GNB1: variants seen among roughly 807,000 people sequenced by gnomAD.
The protein encoded by GNB1 is guanine nucleotide-binding protein G(I)/G(S)/G(T) subunit beta-1.
Under a neutral mutation model 42.9 loss-of-function variants are expected in GNB1, and 2 were observed. The ratio of observed to expected loss-of-function variants is 0.05; its 90% CI spans 0.02 to 0.15. The LOEUF (loss-of-function observed/expected upper bound fraction) is 0.15. Among genes scored for constraint, GNB1 ranks in the 10% least tolerant of loss-of-function variants. GNB1 has a pLI of 1.00. For synonymous variants in GNB1, 183 were observed against 174.7 expected, an observed-to-expected ratio of 1.05 and a Z score of -0.38; for missense variants, 193 against 462.2, an observed-to-expected ratio of 0.42 and a Z score of 5.34.
chr1:1,864,314 C>CAAAAAAAAAAAAAAAAAAAAAAA (rs1173466617), intron 1 of GNB1, among the ~76,000 whole-genome samples: 1 of 37,936 alleles, frequency 2.6e-5, no homozygotes, highest in Non-Finnish European at 4.9e-5. Context: ...AAGACTCTCT[C>CAAAAAAAAAAAAAAAAAAAAAAA]AAAAAAAAAA....
At chr1:1,810,515 GAC>G (rs1190474182) in intron 5 of GNB1, among the ~76,000 whole-genome samples, 3 of 119,980 alleles carry the variant, frequency 2.5e-5, no homozygotes, top group East Asian at 5.0e-4. Context: ...TAGCCTGGAC[GAC>G]AGAGTGAGAC....
rs558196708 is a variant in GNB1 at position 1,792,841 on chromosome 1, A to G, written c.497+404T>C. The stretch of plus-strand genomic sequence containing the variant: ...AGCACTTTGGGAGGCCGAGGTGGGC[A>G]GGTCACCTGAGGTCAGGAGTTCAGG... On this transcript the variant is annotated intron_variant, in intron 8 of 11. Coordinates refer to ENST00000378609, the MANE Select transcript of GNB1 (RefSeq NM_002074.5). Among the ~76,000 whole-genome samples, 13 of 152,206 alleles carry G rather than the reference A, an allele frequency of 8.5e-5. No individual in the cohort carries two copies. The East Asian group carries it at 2.5e-3, about 29-fold the overall frequency.
intron 1 of GNB1, among the ~76,000 whole-genome samples, chr1:1,843,799 T>C (rs1371366092): frequency 6.6e-6 from 1 of 152,138 alleles, no homozygotes; most frequent in African/African-American, 2.4e-5. Context: ...GGAGCTGGGC[T>C]CGCACCTCCC....
chr1:1,787,501 T>C lies in GNB1; in HGVS notation c.917-64A>G, dbSNP rs747517154. On this transcript the variant is annotated intron_variant, in intron 10 of 11. Transcript: ENST00000378609. The surrounding 1 kb of genome is among the most constrained non-coding windows in gnomAD (Gnocchi z 4.4). ...AGGCATCGATCTCACCTGTGTGCCA[T>C]GTTGTGACGAGGACGGATGGTGCAT... is the stretch of plus-strand genomic sequence containing the variant. 177 of 969,878 alleles carry C rather than the reference T, an allele frequency of 1.8e-4. No homozygotes were observed. The highest frequency in any genetic ancestry group is 1.1e-3 in the Admixed American group (62 of 54,258). 60.1% of individuals were successfully genotyped at this position (969,878 alleles called of 1,614,324 possible). A position where few individuals can be genotyped will look rare whatever the true frequency, so the allele number is the denominator to read the frequency against.
At chr1:1,813,666 CT>C (rs1646812757) in intron 5 of GNB1, among the ~76,000 whole-genome samples, 1 of 151,974 alleles carries the variant, frequency 6.6e-6, no homozygotes, top group African/African-American at 2.4e-5. Flanking sequence ...TATTTTTGTA[CT>C]TTTTGTAGAG....
chr1:1,790,652 T>G lies in GNB1; in HGVS notation c.498-56A>C. On this transcript the variant is annotated intron_variant, in intron 8 of 11. Transcript: ENST00000378609. This position sits in a 1 kb window ranked among gnomAD's most constrained non-coding sequence, Gnocchi z 5.4. ...CAGCCTTAACTTCTTGGGTGGCTAG[T>G]CATGTGACAGACAATCTGTCCTTCA... 1 of 1,221,216 alleles carries G rather than the reference T, an allele frequency of 8.2e-7. No homozygotes were observed. Among genetic ancestry groups the G allele is most frequent in the South Asian group, 1.2e-5 (1 of 80,860 alleles). 75.6% of individuals were successfully genotyped at this position (1,221,216 alleles called of 1,614,324 possible). A position where few individuals can be genotyped will look rare whatever the true frequency, so the allele number is the denominator to read the frequency against.
At chr1:1,885,410 T>C (rs995339310) in intron 1 of GNB1, among the ~76,000 whole-genome samples, 3 of 146,682 alleles carry the variant, frequency 2.0e-5, no homozygotes, top group African/African-American at 7.5e-5. Flanking sequence ...GGAAACTCCA[T>C]CTCAAAAAAA....
chr1:1,821,639 A>G (rs1046095985), intron 3 of GNB1, among the ~76,000 whole-genome samples: 12 of 152,226 alleles, frequency 7.9e-5, no homozygotes, highest in Admixed American at 6.5e-5. Context: ...GAACTAACAC[A>G]GCGCGGTTCC....
At chr1:1,848,504 ATC>A (rs769517940) in intron 1 of GNB1, among the ~76,000 whole-genome samples, 2 of 152,078 alleles carry the variant, frequency 1.3e-5, no homozygotes, top group African/African-American at 2.4e-5. Flanking sequence ...GACCAATCCC[ATC>A]TCTTTCTCCT....
intron 1 of GNB1, among the ~76,000 whole-genome samples, chr1:1,865,324 T>C (rs939564428): frequency 4.8e-5 from 7 of 145,572 alleles, no homozygotes; most frequent in African/African-American, 1.8e-4. Context: ...TTGTGGCTCA[T>C]GCCTGTAATC....
intron 1 of GNB1, among the ~76,000 whole-genome samples, chr1:1,890,173 CCACAGCGCGACTGCCTCAGCGGCTCGA>C (rs1650402464): frequency 1.3e-5 from 2 of 152,148 alleles, no homozygotes; most frequent in African/African-American, 4.8e-5. Context: ...AAGGGCGAGG[CCACAGCGCGACTGCCTCAGCGGCTCGA>C]CACAGCGAAA....
At chr1:1,857,399 T>G (rs191787103) in intron 1 of GNB1, among the ~76,000 whole-genome samples, 73 of 152,152 alleles carry the variant, frequency 4.8e-4, no homozygotes, top group African/African-American at 1.7e-3. Flanking sequence ...TTGTACAGGG[T>G]TCAACGCAGC....
In GNB1 at chr1:1,819,572, T is replaced by C. The variant is rs76872817; in HGVS notation, c.58-1697A>G. Among the ~76,000 whole-genome samples, 103 of 152,094 alleles carry C rather than the reference T, an allele frequency of 6.8e-4. No individual in the cohort carries two copies. In the East Asian group the frequency reaches 0.018, roughly 26 times the overall value. On this transcript the variant is annotated intron_variant, in intron 3 of 11. Coordinates refer to ENST00000378609, the MANE Select transcript of GNB1 (RefSeq NM_002074.5). ...ATTTATTTTTATGACAGGATCTGGC[T>C]CTGTTGCCCAGCCTGGAGTGCAGTG...
chr1:1,813,299 G>A (rs893342503), intron 5 of GNB1, among the ~76,000 whole-genome samples: 3 of 152,002 alleles, frequency 2.0e-5, no homozygotes, highest in Admixed American at 6.6e-5. Flanking sequence ...GCAGAGATGG[G>A]GTTTCGCCAT....
intron 7 of GNB1, among the ~76,000 whole-genome samples, chr1:1,794,899 A>C (rs769686561): frequency 3.3e-5 from 5 of 152,188 alleles, no homozygotes; most frequent in Admixed American, 2.0e-4. Context: ...CATGTTGGTC[A>C]GGATGGTCTT....
intron 1 of GNB1, among the ~76,000 whole-genome samples, chr1:1,874,942 G>A (rs1649459323): frequency 6.6e-6 from 1 of 152,164 alleles, no homozygotes; most frequent in South Asian, 2.1e-4. Context: ...GTTTTGGGAT[G>A]AAACTGTTCC....
chr1:1,831,728 C>T (rs1200170076), intron 2 of GNB1, among the ~76,000 whole-genome samples: 2 of 151,820 alleles, frequency 1.3e-5, no homozygotes, highest in Non-Finnish European at 2.9e-5. Flanking sequence ...GGATTACACG[C>T]ACCCGGTCAC....
chr1:1,815,627 AGAGTTCT>A, intron 5 of GNB1, 122 bp downstream of exon 5: 1 of 617,730 alleles, frequency 1.6e-6, no homozygotes, highest in Admixed American at 2.8e-5. Flanking sequence ...TTGCGTGCCC[AGAGTTCT>A]GATTCAACTT....
intron 7 of GNB1, chr1:1,794,059 C>T (rs1414237572): frequency 6.6e-6 from 1 of 152,282 alleles, no homozygotes; most frequent in Admixed American, 6.5e-5. Context: ...GTGACACCCA[C>T]ATCAGCGTGG....
Sources: gnomAD v4.1 joint callset for allele counts (sites outside exome capture counted in the v4.1 genomes callset) on GRCh38, gnomAD v4.1.1 for gene constraint, Gnocchi (gnomAD v3.1) non-coding constraint, MANE v1.5 for transcripts, NCBI Gene and HGNC (gene_info 2026-07-23, HGNC 2026-07-21) for gene names.